Variants in LRMDA observed in about 807,000 individuals in gnomAD.
LRMDA encodes the protein leucine-rich melanocyte differentiation-associated protein.
LRMDA carries 18 observed loss-of-function variants against 29.8 expected under a neutral mutation model. The observed-to-expected ratio is 0.60, with a 90% CI of 0.42 to 0.90. The LOEUF (loss-of-function observed/expected upper bound fraction) is 0.90, where lower values mean the gene tolerates loss of function less well. Among genes scored for constraint, LRMDA ranks in the 40% least tolerant of loss-of-function variants. LRMDA has a pLI of 0.00. For missense variants in LRMDA, 273 were observed against 273.9 expected (o/e 1.00, Z 0.02); for synonymous variants, 125 against 109.4 (o/e 1.14, Z -0.89).
intron 2 of LRMDA, among the ~76,000 whole-genome samples, chr10:76,000,038 A>G (rs369103097): frequency 1.3e-5 from 2 of 152,240 alleles, no homozygotes; most frequent in South Asian, 2.1e-4. Flanking sequence ...GTCAAAAAAA[A>G]GCTGGGCTGA....
chr10:76,046,588 G>A (rs777451578), intron 3 of LRMDA, among the ~76,000 whole-genome samples: 2 of 152,044 alleles, frequency 1.3e-5, no homozygotes, highest in Non-Finnish European at 1.5e-5. Context: ...AGGTTCAAGC[G>A]ATTCTCCTGC....
intron 5 of LRMDA, among the ~76,000 whole-genome samples, chr10:76,122,840 A>T (rs1300306916): frequency 6.6e-6 from 1 of 152,174 alleles, no homozygotes; most frequent in Non-Finnish European, 1.5e-5. Flanking sequence ...TGCAAAGCTG[A>T]TTCGGCATTT....
chr10:75,783,087 C>T, intron 2 of LRMDA: 1 of 1,584,854 alleles, frequency 6.3e-7, no homozygotes, highest in Non-Finnish European at 8.7e-7. Context: ...TTTTAAATAG[C>T]AATGATGAAG....
intron 6 of LRMDA, among the ~76,000 whole-genome samples, chr10:76,331,530 A>G (rs1840904994): frequency 3.9e-5 from 6 of 152,252 alleles, no homozygotes; most frequent in Admixed American, 3.9e-4. Context: ...AATGTATTGA[A>G]AAGTGGCAAA....
chr10:75,502,290 C>T (rs1845121658), intron 2 of LRMDA, among the ~76,000 whole-genome samples: 1 of 152,216 alleles, frequency 6.6e-6, no homozygotes, highest in Admixed American at 6.5e-5. Flanking sequence ...CAGGGGTGAG[C>T]CCTGTGGCTT....
chr10:75,586,370 A>ATTTTTTTT (rs1840656170), intron 2 of LRMDA, among the ~76,000 whole-genome samples: 1 of 64,448 alleles, frequency 1.6e-5, no homozygotes, highest in Non-Finnish European at 2.6e-5. Flanking sequence ...TTTTTTTTTT[A>ATTTTTTTT]AATTAGAGAC....
intron 5 of LRMDA, among the ~76,000 whole-genome samples, chr10:76,249,850 TG>T (rs1222641266): frequency 1.3e-5 from 2 of 152,212 alleles, no homozygotes; most frequent in Non-Finnish European, 1.5e-5. Context: ...TTGCCCAGGC[TG>T]GAGTGCAATG....
At chr10:76,459,490 C>T (rs1306625713) in intron 6 of LRMDA, among the ~76,000 whole-genome samples, 2 of 152,148 alleles carry the variant, frequency 1.3e-5, no homozygotes, top group African/African-American at 2.4e-5. Flanking sequence ...TTGTATTGCT[C>T]TGCCCCAAAA....
chr10:76,373,281 G>A (rs898204975), intron 6 of LRMDA, among the ~76,000 whole-genome samples: 1 of 152,094 alleles, frequency 6.6e-6, no homozygotes, highest in Non-Finnish European at 1.5e-5. Context: ...ATTTTAAGAT[G>A]AGTATCTGTT....
intron 2 of LRMDA, among the ~76,000 whole-genome samples, chr10:76,008,635 G>A (rs1847719113): frequency 6.6e-6 from 1 of 152,246 alleles, no homozygotes; most frequent in African/African-American, 2.4e-5. Flanking sequence ...TCCCATGGCT[G>A]TCCACACTGC....
At chr10:76,531,044 G>A in intron 6 of LRMDA, among the ~76,000 whole-genome samples, 1 of 152,034 alleles carries the variant, frequency 6.6e-6, no homozygotes, top group East Asian at 1.9e-4. Context: ...AGGTTTGGGG[G>A]CAGATATTTT....
At chr10:76,530,243 A>C (rs1048600490) in intron 6 of LRMDA, among the ~76,000 whole-genome samples, 1 of 152,282 alleles carries the variant, frequency 6.6e-6, no homozygotes, top group East Asian at 1.9e-4. Flanking sequence ...CTTTCTTGAA[A>C]TGGATCAGAA....
intron 5 of LRMDA, among the ~76,000 whole-genome samples, chr10:76,211,968 C>A (rs1239068507): frequency 6.6e-6 from 1 of 152,172 alleles, no homozygotes; most frequent in Non-Finnish European, 1.5e-5. Context: ...GCTGTCTCAT[C>A]ACTCCTTAAC....
chr10:75,930,870 A>C (rs1057098694), intron 2 of LRMDA, among the ~76,000 whole-genome samples: 14 of 152,244 alleles, frequency 9.2e-5, no homozygotes, highest in African/African-American at 3.4e-4. Context: ...TAAGCCTAAT[A>C]AGAATTCCAG....
chr10:76,294,279 C>A (rs1411246292), intron 5 of LRMDA, among the ~76,000 whole-genome samples: 1 of 152,192 alleles, frequency 6.6e-6, no homozygotes, highest in Non-Finnish European at 1.5e-5. Context: ...CTTGATTAAG[C>A]TGAGAGAGTT....
chr10:76,185,828 A>C (rs532589353), intron 5 of LRMDA, among the ~76,000 whole-genome samples: 1 of 152,162 alleles, frequency 6.6e-6, no homozygotes, highest in African/African-American at 2.4e-5. Context: ...ACAATAAAGT[A>C]TGGCTTGTTG....
intron 6 of LRMDA, among the ~76,000 whole-genome samples, chr10:76,529,957 T>A (rs1589226624): frequency 6.6e-6 from 1 of 152,128 alleles, no homozygotes; most frequent in East Asian, 1.9e-4. Context: ...GAGAAAGTCT[T>A]TGAGGCCAAG....
At chr10:76,024,862 A>C (rs1364455837) in intron 2 of LRMDA, among the ~76,000 whole-genome samples, 1 of 152,242 alleles carries the variant, frequency 6.6e-6, no homozygotes, top group Non-Finnish European at 1.5e-5. Flanking sequence ...CAAACAGTTC[A>C]TGAGGTTGAA....
intron 6 of LRMDA, among the ~76,000 whole-genome samples, chr10:76,538,563 C>CAA (rs1056744826): frequency 1.3e-5 from 2 of 148,948 alleles, no homozygotes; most frequent in African/African-American, 4.9e-5. Flanking sequence ...TATACACACA[C>CAA]ACACACACAC....
Sources: allele counts gnomAD v4.1 joint callset (sites outside exome capture counted in the v4.1 genomes callset), GRCh38; gene constraint gnomAD v4.1.1; transcripts MANE v1.5; gene names NCBI Gene and HGNC (gene_info 2026-07-23, HGNC 2026-07-21).